DENND2B: variants seen among roughly 807,000 people sequenced by gnomAD.
DENND2B encodes DENN domain-containing protein 2B.
DENND2B carries 32 observed loss-of-function variants against 116.0 expected under a neutral mutation model. The observed-to-expected ratio is 0.28, with a 90% CI of 0.21 to 0.37. DENND2B has a LOEUF of 0.37. Among genes scored for constraint, DENND2B ranks in the 10% least tolerant of loss-of-function variants. The probability of loss-of-function intolerance (pLI) is 1.00; values close to 1 mark genes in which losing one functional copy is unlikely to be tolerated. For synonymous variants in DENND2B, 588 were observed against 583.9 expected, an observed-to-expected ratio of 1.01 and a Z score of -0.10; for missense variants, 1,276 against 1,477.7, an observed-to-expected ratio of 0.86 and a Z score of 2.24.
intron 1 of DENND2B, among the ~76,000 whole-genome samples, chr11:8,900,825 C>T (rs1001517256): frequency 8.2e-4 from 125 of 151,968 alleles, no homozygotes; most frequent in African/African-American, 2.6e-3. Flanking sequence ...AAAAATTAGC[C>T]AGGCATAGTG....
intron 2 of DENND2B, among the ~76,000 whole-genome samples, chr11:8,743,570 T>A (rs10840116): frequency 0.57 from 87,132 of 151,676 alleles, 25,239 homozygotes; most frequent in Non-Finnish European, 0.6. Context: ...ATTTTTTTTT[T>A]AAATTACTTA....
At chr11:8,699,571 A>T (rs1275261811) in intron 14 of DENND2B, among the ~76,000 whole-genome samples, 181 bp from the exon 15 acceptor site, 1 of 152,244 alleles carries the variant, frequency 6.6e-6, no homozygotes, top group Non-Finnish European at 1.5e-5. Flanking sequence ...CTCAAGGACA[A>T]CAATGCTACT....
At chr11:8,866,028 C>T (rs1044691399) in intron 2 of DENND2B, among the ~76,000 whole-genome samples, 1 of 152,006 alleles carries the variant, frequency 6.6e-6, no homozygotes, top group African/African-American at 2.4e-5. Context: ...GGCGCGATCT[C>T]GGCTCACTGC....
At chr11:8,731,962 C>T (rs114520338) in intron 2 of DENND2B, among the ~76,000 whole-genome samples, 5 of 152,190 alleles carry the variant, frequency 3.3e-5, no homozygotes, top group African/African-American at 1.2e-4. Context: ...CTTTAACAAG[C>T]CTCTGTCTCC....
At chr11:8,717,640 G>C in intron 5 of DENND2B, 101 bp downstream of exon 5, 2 of 1,397,138 alleles carry the variant, frequency 1.4e-6, no homozygotes. Flanking sequence ...GTACTAGTGA[G>C]GGTAAAAGCC....
In DENND2B at chr11:8,732,454, C is replaced by T. The variant is rs116500390; in HGVS notation, c.81-1245G>A. 9.4e-3 allele frequency among the ~76,000 whole-genome samples: 1,436 copies of T among 152,288 alleles called. 24 individuals carry two copies. The highest frequency in any genetic ancestry group is 0.033 in the African/African-American group (1,385 of 41,544). ...TCTGAAGAGGAAGCAGTGCCTCTGC[C>T]ACTTTCTGAACTGCCAGGGCCCTGA... On this transcript the variant is annotated intron_variant, in intron 2 of 19. Coordinates refer to ENST00000313726, the MANE Select transcript of DENND2B (RefSeq NM_213618.2).
At chr11:8,843,142 G>A (rs2062683763) in intron 3 of DENND2B, among the ~76,000 whole-genome samples, 1 of 152,058 alleles carries the variant, frequency 6.6e-6, no homozygotes, top group South Asian at 2.1e-4. Context: ...TCAGCCTCCT[G>A]AGGGGCTGGG....
At chr11:8,844,525 A>G (rs1253829274) in intron 3 of DENND2B, among the ~76,000 whole-genome samples, 1 of 110,764 alleles carries the variant, frequency 9.0e-6, no homozygotes, top group Non-Finnish European at 2.0e-5. Flanking sequence ...TCTATTTAAA[A>G]GAACATACAT....
chr11:8,740,479 C>T (rs1408581607), intron 2 of DENND2B, among the ~76,000 whole-genome samples: 1 of 152,146 alleles, frequency 6.6e-6, no homozygotes, highest in East Asian at 1.9e-4. Context: ...CCTTGATGAA[C>T]TTGGCATGCT....
chr11:8,784,304 G>A (rs1593646991), intron 1 of DENND2B: 1 of 151,170 alleles, frequency 6.6e-6, no homozygotes, highest in Non-Finnish European at 1.5e-5. Context: ...GTGCATGCCT[G>A]TGGTCCCTGC....
chr11:8,768,447 C>T (rs192914532), intron 1 of DENND2B, among the ~76,000 whole-genome samples: 1 of 152,012 alleles, frequency 6.6e-6, no homozygotes, highest in East Asian at 1.9e-4. Flanking sequence ...ACGGGTTTTG[C>T]TATTTTGCCC....
Position 8,711,111 on chromosome 11 carries a change from C to T in DENND2B, c.2282+11G>A, listed in dbSNP as rs2043590416. The T allele has an allele frequency of 6.2e-7, 1 of 1,613,290 alleles. No individual in the cohort carries two copies. Among genetic ancestry groups the T allele is most frequent in the Non-Finnish European group, 8.5e-7 (1 of 1,179,416 alleles). ...ATGCTCCTTCCTCCCTCAGGCCAGG[C>T]CAGGCCTCACCTGCTATACTCTGAC... is the stretch of plus-strand genomic sequence containing the variant. On this transcript the variant is annotated intron_variant, in intron 10 of 19. Transcript: ENST00000313726.
At chr11:8,735,679 C>G (rs933030837) in intron 2 of DENND2B, among the ~76,000 whole-genome samples, 18 of 152,226 alleles carry the variant, frequency 1.2e-4, no homozygotes, top group Admixed American at 1.2e-3. Flanking sequence ...GGGGCACCCC[C>G]TGGAAGTGGA....
chr11:8,761,299 C>A (rs1245319175), intron 1 of DENND2B, among the ~76,000 whole-genome samples: 1 of 152,220 alleles, frequency 6.6e-6, no homozygotes, highest in East Asian at 1.9e-4. Context: ...TATCCTAGCT[C>A]TGTCAAGACT....
intron 4 of DENND2B, among the ~76,000 whole-genome samples, chr11:8,834,619 C>T (rs1202506630): frequency 6.6e-6 from 1 of 152,190 alleles, no homozygotes; most frequent in African/African-American, 2.4e-5. Context: ...GAAAACAGAC[C>T]TAGCTTTCCT....
intron 4 of DENND2B, among the ~76,000 whole-genome samples, chr11:8,818,970 T>C (rs930123498): frequency 6.6e-6 from 1 of 152,206 alleles, no homozygotes; most frequent in Non-Finnish European, 1.5e-5. Context: ...TTTTTAATAC[T>C]TTTATATTAC....
chr11:8,800,144 G>C (rs1031344575), intron 1 of DENND2B, among the ~76,000 whole-genome samples: 2 of 151,800 alleles, frequency 1.3e-5, no homozygotes, highest in African/African-American at 4.8e-5. Context: ...GTAGAGATGG[G>C]GGTCTCATTA....
intron 1 of DENND2B, among the ~76,000 whole-genome samples, chr11:8,790,209 C>T (rs770213303): frequency 6.6e-6 from 1 of 152,206 alleles, no homozygotes; most frequent in Non-Finnish European, 1.5e-5. Context: ...TCTGTACCAG[C>T]ACCATTTCCT....
At position 8,807,374 on chromosome 11, in the gene DENND2B, G is replaced by A. The variant is rs2060960852; in HGVS notation, c.-26+3143C>T. Among the ~76,000 whole-genome samples, 4 of 152,320 alleles carry A rather than the reference G, an allele frequency of 2.6e-5. No individual in the cohort carries two copies. The South Asian group carries it at 8.3e-4, about 32-fold the overall frequency. ...TCCCGTAATGCAGTTCTTAGAATCA[G>A]ATGCGGTGGGGAGTGGGGCACAGCC... On this transcript the variant is annotated intron_variant, in intron 1 of 19. Coordinates refer to ENST00000313726, the MANE Select transcript of DENND2B (RefSeq NM_213618.2).
Sources: gnomAD v4.1 joint callset for allele counts (sites outside exome capture counted in the v4.1 genomes callset) on GRCh38, gnomAD v4.1.1 for gene constraint, MANE v1.5 for transcripts, NCBI Gene and HGNC (gene_info 2026-07-23, HGNC 2026-07-21) for gene names.